The following CAMTA1 variants were observed in gnomAD, a reference collection of about 807,000 sequenced individuals.
The protein encoded by CAMTA1 is calmodulin binding transcription activator 1, also known as calmodulin-binding transcription activator 1.
In CAMTA1, 27 loss-of-function variants were observed where a neutral mutation model predicts 170.9. That is an observed-to-expected ratio of 0.16 (90% CI 0.12 to 0.22). The LOEUF is 0.22. CAMTA1 is among the 10% of genes least tolerant of loss of function. The pLI is 1.00. For synonymous variants in CAMTA1, 833 were observed against 891.5 expected (o/e 0.93, Z 1.17); for missense variants, 1,619 against 2,217.2 (o/e 0.73, Z 5.42).
intron 5 of CAMTA1, among the ~76,000 whole-genome samples, chr1:7,436,138 G>C (rs779130864): frequency 6.6e-6 from 1 of 152,196 alleles, no homozygotes; most frequent in East Asian, 1.9e-4. Flanking sequence ...CTCTCCCCTC[G>C]TCCCCCAGGC....
intron 6 of CAMTA1, among the ~76,000 whole-genome samples, chr1:7,500,585 G>A (rs1012826871): frequency 6.6e-5 from 10 of 152,132 alleles, no homozygotes; most frequent in African/African-American, 1.9e-4. Flanking sequence ...CCCTGGGTGG[G>A]CCCGTGGGTC....
chr1:7,287,479 CCTT>C (rs1672508107), intron 5 of CAMTA1, among the ~76,000 whole-genome samples: 1 of 152,138 alleles, frequency 6.6e-6, no homozygotes, highest in Non-Finnish European at 1.5e-5. Flanking sequence ...TTCTCCCTTT[CCTT>C]CTTCTCCTTC....
At position 7,664,981 on chromosome 1, in the gene CAMTA1, G is replaced by A. The variant is rs1385532730; in HGVS notation, c.2434G>A (p.Ala812Thr). The change falls in exon 9 of 23, where the codon GCC (alanine) becomes ACC (threonine). Residue 812 changes from alanine to threonine, a missense_variant. Physicochemically the swap from Ala to Thr is moderately conservative, Grantham distance 58 (BLOSUM62 0). Around this residue, in one of 8 missense-constraint regions of CAMTA1, gnomAD observed 731 missense variants for 907.6 expected, o/e 0.81. Coordinates refer to ENST00000303635, the MANE Select transcript of CAMTA1 (RefSeq NM_015215.4). ...CTCACAGTCAGAGGACGGGGCGCGGGCCCCCTTCACCCAGGCAGAGATGTG... is the reference window on the plus strand; with the variant it reads ...CTCACAGTCAGAGGACGGGGCGCGGACCCCCTTCACCCAGGCAGAGATGTG... ...ALSQSEDGAR[A>T]PFTQAEMCLP... 7 of 1,610,042 alleles carry A rather than the reference G, an allele frequency of 4.3e-6. No homozygotes were observed. Among genetic ancestry groups the A allele is most frequent in the Non-Finnish European group, 5.1e-6 (6 of 1,178,306 alleles).
intron 5 of CAMTA1, among the ~76,000 whole-genome samples, chr1:7,425,501 G>C (rs1226897289): frequency 6.6e-6 from 1 of 152,130 alleles, no homozygotes; most frequent in Non-Finnish European, 1.5e-5. Flanking sequence ...GCAAGGCCAG[G>C]GTCCTTCAGA....
chr1:7,709,881 T>C (rs558808615), intron 11 of CAMTA1, among the ~76,000 whole-genome samples: 9 of 152,328 alleles, frequency 5.9e-5, no homozygotes, highest in Admixed American at 5.2e-4. Flanking sequence ...AGCGTAAGTA[T>C]TGATTTGGGA....
intron 10 of CAMTA1, among the ~76,000 whole-genome samples, chr1:7,672,379 C>T (rs540772349): frequency 1.3e-5 from 2 of 152,102 alleles, no homozygotes; most frequent in Non-Finnish European, 2.9e-5. Flanking sequence ...CTGAGTCCCA[C>T]CACCCATTTC....
chr1:6,907,998 C>G (rs1028608147), intron 3 of CAMTA1, among the ~76,000 whole-genome samples: 2 of 152,196 alleles, frequency 1.3e-5, no homozygotes, highest in Non-Finnish European at 2.9e-5. Context: ...CATGTCTTGT[C>G]ACTTTTTCCT....
At chr1:7,602,731 C>A (rs1396318634) in intron 6 of CAMTA1, among the ~76,000 whole-genome samples, 3 of 152,142 alleles carry the variant, frequency 2.0e-5, no homozygotes, top group Non-Finnish European at 2.9e-5. Flanking sequence ...TTTTCTAGTT[C>A]TTTTAATTGT....
intron 4 of CAMTA1, among the ~76,000 whole-genome samples, chr1:7,228,017 G>A (rs1456845543): frequency 6.6e-6 from 1 of 152,246 alleles, no homozygotes; most frequent in African/African-American, 2.4e-5. Flanking sequence ...TCCCCTGGCA[G>A]TAAAACATTA....
chr1:6,974,607 G>A (rs989707563), intron 3 of CAMTA1, among the ~76,000 whole-genome samples: 17 of 152,242 alleles, frequency 1.1e-4, no homozygotes, highest in African/African-American at 4.1e-4. Context: ...AATGTTGGTC[G>A]GGCAGGGAGG....
At chr1:7,236,152 A>G (rs1663813929) in intron 4 of CAMTA1, among the ~76,000 whole-genome samples, 1 of 152,286 alleles carries the variant, frequency 6.6e-6, no homozygotes, top group South Asian at 2.1e-4. Context: ...AGTCAGAGGA[A>G]GTCTCCAGGT....
At chr1:7,227,648 C>T (rs371049770) in intron 4 of CAMTA1, among the ~76,000 whole-genome samples, 11 of 152,318 alleles carry the variant, frequency 7.2e-5, no homozygotes, top group Middle Eastern at 3.4e-3. Flanking sequence ...CCTTTGTAAA[C>T]GTCAAGTTTC....
In CAMTA1 at chr1:7,738,029, C is replaced by G. The variant is rs1321493576; in HGVS notation, c.3729C>G (p.Pro1243=). The change falls in exon 16 of 23, where the codon CCC becomes CCG. Residue 1243 remains proline (P), a synonymous_variant. Coordinates refer to ENST00000303635, the MANE Select transcript of CAMTA1 (RefSeq NM_015215.4). This position sits in a 1 kb window ranked among gnomAD's most constrained non-coding sequence, Gnocchi z 4.9. ...AGAGCCACAAAGATTATCCGGCTCC[C>G]AAAAAGCATAAATTGAACCCTGAGT... is the stretch of plus-strand genomic sequence containing the variant. ...SSESHKDYPA[P]KKHKLNPEYF... is the part of the protein sequence containing the mutation. 6.2e-7 allele frequency: 1 copy of G among 1,614,100 alleles called. No homozygotes were observed. The highest frequency in any genetic ancestry group is 1.1e-5 in the South Asian group (1 of 91,072).
At chr1:7,462,146 A>G (rs1320094000) in intron 5 of CAMTA1, among the ~76,000 whole-genome samples, 1 of 152,204 alleles carries the variant, frequency 6.6e-6, no homozygotes, top group African/African-American at 2.4e-5. Context: ...TTTATTTTTG[A>G]GACAGAGTTT....
chr1:7,284,448 C>T (rs147457822), intron 5 of CAMTA1, among the ~76,000 whole-genome samples: 3,323 of 152,088 alleles, frequency 0.022, 59 homozygotes, highest in Non-Finnish European at 0.036. Flanking sequence ...GTGATCTGCC[C>T]GCCTTGGCCT....
intron 3 of CAMTA1, among the ~76,000 whole-genome samples, chr1:6,966,187 G>A (rs1033533509): frequency 6.6e-6 from 1 of 152,046 alleles, no homozygotes; most frequent in African/African-American, 2.4e-5. Flanking sequence ...TTAAAATTAC[G>A]ATGTAATTAA....
At chr1:7,512,597 A>G (rs889942766) in intron 6 of CAMTA1, among the ~76,000 whole-genome samples, 1 of 152,234 alleles carries the variant, frequency 6.6e-6, no homozygotes, top group Non-Finnish European at 1.5e-5. Flanking sequence ...TGAGAGCAGA[A>G]GGCGGGAGGG....
chr1:7,108,121 G>A (rs1643788619), intron 4 of CAMTA1, among the ~76,000 whole-genome samples: 1 of 152,144 alleles, frequency 6.6e-6, no homozygotes, highest in Non-Finnish European at 1.5e-5. Context: ...ACAGGACAGA[G>A]CCCTGCATGA....
intron 5 of CAMTA1, among the ~76,000 whole-genome samples, chr1:7,309,230 A>G (rs1235533758): frequency 6.7e-6 from 1 of 148,592 alleles, no homozygotes; most frequent in Admixed American, 6.7e-5. Context: ...TCGTTGGGTC[A>G]TGGTTCTTTG....
Sources: gnomAD v4.1 joint callset for allele counts (sites outside exome capture counted in the v4.1 genomes callset) on GRCh38, gnomAD v4.1.1 for gene constraint, gnomAD v4.1.1 regional missense constraint, Gnocchi (gnomAD v3.1) non-coding constraint, MANE v1.5 for transcripts, NCBI Gene and HGNC (gene_info 2026-07-23, HGNC 2026-07-21) for gene names.